The following DYRK1A variants were observed in gnomAD, a reference collection of about 807,000 sequenced individuals.
DYRK1A encodes dual specificity tyrosine-phosphorylation-regulated kinase 1A.
In DYRK1A, 9 loss-of-function variants were observed where a neutral mutation model predicts 79.7. The observed-to-expected ratio is 0.11, with a 90% CI of 0.07 to 0.20. The LOEUF is 0.20. Among genes scored for constraint, DYRK1A ranks in the 10% least tolerant of loss-of-function variants. The pLI is 1.00. For missense variants in DYRK1A, 622 were observed against 956.0 expected, an observed-to-expected ratio of 0.65 and a Z score of 4.61; for synonymous variants, 349 against 329.7, an observed-to-expected ratio of 1.06 and a Z score of -0.63.
chr21:37,491,007 CA>C (rs1342377696), intron 7 of DYRK1A, among the ~76,000 whole-genome samples: 1 of 151,808 alleles, frequency 6.6e-6, no homozygotes, highest in Non-Finnish European at 1.5e-5. Flanking sequence ...ACTGATGGTT[CA>C]AAAAAATGCA....
intron 2 of DYRK1A, among the ~76,000 whole-genome samples, chr21:37,452,098 G>A (rs1321890441): frequency 1.3e-5 from 2 of 151,978 alleles, no homozygotes; most frequent in East Asian, 3.9e-4. Flanking sequence ...ACTTAACCTG[G>A]GTACTCTGGG....
chr21:37,479,108 G>A (rs1055723277), intron 4 of DYRK1A, among the ~76,000 whole-genome samples: 1 of 152,218 alleles, frequency 6.6e-6, no homozygotes, highest in African/African-American at 2.4e-5. Flanking sequence ...CAGCTTTAGA[G>A]CTGCTTAGCT....
intron 3 of DYRK1A, among the ~76,000 whole-genome samples, chr21:37,477,572 C>T (rs771458455): frequency 6.6e-6 from 1 of 152,026 alleles, no homozygotes; most frequent in Non-Finnish European, 1.5e-5. Flanking sequence ...CAGATGGTGT[C>T]GAGAGCCATG....
rs1444239157 is a variant in DYRK1A at position 37,517,526 on chromosome 21, C to T, written c.*4995C>T. ...CTCATTCATTAGTCAGTGTACTTGC[C>T]CCTGAATTCCATATCTGAAACTGCA... On this transcript the variant is annotated 3_prime_UTR_variant, in exon 12 of 12. Transcript: ENST00000647188. The T allele has an allele frequency of 6.6e-6, 1 of 152,060 alleles. No individual in the cohort carries two copies. Among genetic ancestry groups the T allele is most frequent in the East Asian group, 1.9e-4 (1 of 5,188 alleles). 9.4% of individuals were successfully genotyped at this position (152,060 alleles called of 1,614,324 possible).
chr21:37,438,290 C>CTT (rs1297362942), intron 2 of DYRK1A, among the ~76,000 whole-genome samples: 1 of 152,022 alleles, frequency 6.6e-6, no homozygotes, highest in Non-Finnish European at 1.5e-5. Flanking sequence ...TTAAAAGTGT[C>CTT]TTGAAGATCT....
intron 2 of DYRK1A, among the ~76,000 whole-genome samples, chr21:37,448,359 C>G (rs1344043192): frequency 6.6e-6 from 1 of 152,014 alleles, no homozygotes; most frequent in African/African-American, 2.4e-5. Context: ...GGTGGAGGGT[C>G]CCATAATCAG....
intron 1 of DYRK1A, among the ~76,000 whole-genome samples, chr21:37,381,228 T>C (rs959665857): frequency 1.3e-5 from 2 of 152,226 alleles, no homozygotes; most frequent in Non-Finnish European, 2.9e-5. Flanking sequence ...GGAAGATGTT[T>C]GTTGGACTAA....
intron 2 of DYRK1A, among the ~76,000 whole-genome samples, chr21:37,442,093 T>C (rs1186043218): frequency 6.6e-6 from 1 of 152,060 alleles, no homozygotes; most frequent in African/African-American, 2.4e-5. Flanking sequence ...ATCTTCTTTA[T>C]TCATTTGTAT....
At chr21:37,463,104 C>G (rs1362891898) in intron 2 of DYRK1A, among the ~76,000 whole-genome samples, 1 of 151,784 alleles carries the variant, frequency 6.6e-6, no homozygotes, top group Non-Finnish European at 1.5e-5. Flanking sequence ...CTTATATGAG[C>G]AATTTCATTG....
chr21:37,412,057 A>C (rs13052173), intron 1 of DYRK1A, among the ~76,000 whole-genome samples: 8,408 of 152,282 alleles, frequency 0.055, 283 homozygotes, highest in Middle Eastern at 0.13. Flanking sequence ...TATATAACAT[A>C]AATAATTAAC....
intron 1 of DYRK1A, among the ~76,000 whole-genome samples, chr21:37,404,348 G>A (rs1396295778): frequency 6.6e-6 from 1 of 152,112 alleles, no homozygotes; most frequent in Non-Finnish European, 1.5e-5. Flanking sequence ...CTGTGGCTGG[G>A]TAGGGACCCC....
chr21:37,388,385 G>C (rs1266020440), intron 1 of DYRK1A, among the ~76,000 whole-genome samples: 2 of 151,900 alleles, frequency 1.3e-5, no homozygotes, highest in Admixed American at 1.3e-4. Context: ...GCCTGACCCT[G>C]CCTCTTTTGC....
At position 37,496,223 on chromosome 21, in the gene DYRK1A, A is replaced by C; in HGVS notation, c.1177A>C (p.Thr393Pro). 6.2e-7 allele frequency: 1 copy of C among 1,614,030 alleles called. No homozygotes were observed. The highest frequency in any genetic ancestry group is 2.2e-5 in the East Asian group (1 of 44,864). Reference sequence around the variant, plus strand: ...GTTCTTTGAGAAGTTGCCAGATGGCACTTGGAACTTAAAGAAGACCAAAGA... The same window carrying C: ...GTTCTTTGAGAAGTTGCCAGATGGCCCTTGGAACTTAAAGAAGACCAAAGA... ...RKFFEKLPDG[T>P]WNLKKTKDGK... The change falls in exon 9 of 12, where the codon ACT (threonine) becomes CCT (proline). Residue 393 changes from threonine to proline, a missense_variant. Physicochemically the swap from Thr to Pro is conservative, Grantham distance 38 (BLOSUM62 -1). Transcript: ENST00000647188.
rs916428660 is a variant in DYRK1A at position 37,373,904 on chromosome 21, G to A, written c.-77+6276G>A. ...GTTTTGGGAGAAGCTTCCAGAAATAGACTTTGAAAATACAATGGATTGCAT... is the reference window on the plus strand; with the variant it reads ...GTTTTGGGAGAAGCTTCCAGAAATAAACTTTGAAAATACAATGGATTGCAT... On this transcript the variant is annotated intron_variant, in intron 1 of 11. Coordinates refer to ENST00000647188, the MANE Select transcript of DYRK1A (RefSeq NM_001347721.2). Among the ~76,000 whole-genome samples the A allele has an allele frequency of 3.4e-4, 51 of 152,148 alleles. 1 individual carries two copies. Among genetic ancestry groups the A allele is most frequent in the Non-Finnish European group, 5.9e-5 (4 of 68,006 alleles).
chr21:37,516,036 G>A lies in DYRK1A; in HGVS notation c.*3505G>A, dbSNP rs1412184492. 6.6e-6 allele frequency: 1 copy of A among 152,156 alleles called. No homozygotes were observed. The highest frequency in any genetic ancestry group is 1.5e-5 in the Non-Finnish European group (1 of 68,042). 9.4% of individuals were successfully genotyped at this position (152,156 alleles called of 1,614,324 possible). A position where few individuals can be genotyped will look rare whatever the true frequency, so the allele number is the denominator to read the frequency against. ...ACGAGATAGCAGGCACTCAGTTCTA[G>A]GCCAGTTTCTCAGTTTCCTTTGGGC... On this transcript the variant is annotated 3_prime_UTR_variant, in exon 12 of 12. Transcript: ENST00000647188.
At chr21:37,395,188 C>T (rs764702341) in intron 1 of DYRK1A, among the ~76,000 whole-genome samples, 1 of 152,250 alleles carries the variant, frequency 6.6e-6, no homozygotes, top group African/African-American at 2.4e-5. Context: ...GGGCCAGATA[C>T]ATTGGAGTCC....
intron 8 of DYRK1A, among the ~76,000 whole-genome samples, chr21:37,495,684 G>A (rs1439066416): frequency 6.6e-6 from 1 of 152,078 alleles, no homozygotes; most frequent in Non-Finnish European, 1.5e-5. Flanking sequence ...AGCTACTCAG[G>A]AAGCTGAGGT....
Position 37,512,428 on chromosome 21 carries a change from A to T in DYRK1A, c.2162A>T (p.His721Leu). Residue 721 changes from histidine (H) to leucine (L), a missense_variant, in exon 12 of 12, where the codon CAT becomes CTT. By Grantham distance (99) the His-to-Leu change is moderately conservative (BLOSUM62 -3). This residue lies in a region of DYRK1A where 292 missense variants were observed against 316.7 expected (regional missense o/e 0.92). Coordinates refer to ENST00000647188, the MANE Select transcript of DYRK1A (RefSeq NM_001347721.2). ...TTTTCTGCTAATACAGGTCCTGCAC[A>T]TTACATGACTGAAGGACATCTGACA... Reference protein sequence around the residue: ...YQFSANTGPAHYMTEGHLTMR... With the variant: ...YQFSANTGPALYMTEGHLTMR... The T allele has an allele frequency of 1.2e-6, 2 of 1,614,260 alleles. No homozygotes were observed. The highest frequency in any genetic ancestry group is 1.7e-6 in the Non-Finnish European group (2 of 1,180,046).
intron 1 of DYRK1A, among the ~76,000 whole-genome samples, chr21:37,386,412 G>A (rs750311550): frequency 6.6e-6 from 1 of 152,066 alleles, no homozygotes. Context: ...ACTTTCTCAC[G>A]TCGGGGCCTT....
Sources: gnomAD v4.1 joint callset for allele counts (sites outside exome capture counted in the v4.1 genomes callset) on GRCh38, gnomAD v4.1.1 for gene constraint, gnomAD v4.1.1 regional missense constraint, MANE v1.5 for transcripts, NCBI Gene and HGNC (gene_info 2026-07-23, HGNC 2026-07-21) for gene names.